The following ZNF268 variants were observed in gnomAD, a reference collection of about 807,000 sequenced individuals.
The protein encoded by ZNF268 is zinc finger protein 268.
Under a neutral mutation model 29.3 loss-of-function variants are expected in ZNF268, and 20 were observed. The ratio of observed to expected loss-of-function variants is 0.68; its 90% CI spans 0.48 to 0.99. ZNF268 has a LOEUF of 0.99. ZNF268 is among the 50% of genes least tolerant of loss of function. The pLI is 0.00. For synonymous variants in ZNF268, 429 were observed against 376.9 expected (o/e 1.14, Z -1.60); for missense variants, 1,240 against 1,121.6 (o/e 1.11, Z -1.51).
At chr12:133,193,153 C>G (rs529293021) in intron 5 of ZNF268, among the ~76,000 whole-genome samples, 2 of 152,238 alleles carry the variant, frequency 1.3e-5, no homozygotes, top group Admixed American at 6.5e-5. Flanking sequence ...TCATTTCCCT[C>G]ATATAGTGTA....
chr12:133,199,370 A>G lies in ZNF268; in HGVS notation c.458-2774A>G, dbSNP rs542138466. Among the ~76,000 whole-genome samples the G allele has an allele frequency of 9.2e-5, 14 of 151,742 alleles. No homozygotes were observed. In the South Asian group the frequency reaches 2.7e-3, roughly 30 times the overall value. On this transcript the variant is annotated intron_variant, in intron 5 of 5. Transcript: ENST00000536435. ...TTTGCATATATTGAACCAGCCTTGC[A>G]TCCCAGGGATGAAGCCCACTTGATC...
chr12:133,195,401 T>C (rs1333670858), intron 5 of ZNF268, among the ~76,000 whole-genome samples: 1 of 152,228 alleles, frequency 6.6e-6, no homozygotes, highest in East Asian at 1.9e-4. Context: ...TTCAACAGGC[T>C]AAATTTTTTA....
chr12:133,206,902 A>T lies in ZNF268; in HGVS notation c.*2372A>T, dbSNP rs1433554537. Reference sequence around the variant, plus strand: ...TTGATGTACCAAAGAAGACAGAATAAATTCATAAGAGAAAGTTTATATTCA... The same window carrying T: ...TTGATGTACCAAAGAAGACAGAATATATTCATAAGAGAAAGTTTATATTCA... On this transcript the variant is annotated 3_prime_UTR_variant, in exon 6 of 6. Coordinates refer to ENST00000536435, the MANE Select transcript of ZNF268 (RefSeq NM_003415.3). 6.6e-6 allele frequency: 1 copy of T among 152,208 alleles called. No homozygotes were observed. Among genetic ancestry groups the T allele is most frequent in the African/African-American group, 2.4e-5 (1 of 41,440 alleles). 9.4% of individuals were successfully genotyped at this position (152,208 alleles called of 1,614,324 possible). A position where few individuals can be genotyped will look rare whatever the true frequency, so the allele number is the denominator to read the frequency against.
At chr12:133,197,262 C>T (rs1046786760) in intron 5 of ZNF268, among the ~76,000 whole-genome samples, 6 of 144,606 alleles carry the variant, frequency 4.1e-5, no homozygotes, top group African/African-American at 1.5e-4. Flanking sequence ...TGTTCAATTC[C>T]CACCTATGAG....
At position 133,212,479 on chromosome 12, in the gene ZNF268, A is replaced by ATT. The variant is rs1956998050; in HGVS notation, c.*7950_*7951insTT. ...TATATATATATATATATATATATAT[A>ATT]TATATATATATATATATATGTATAT... On this transcript the variant is annotated 3_prime_UTR_variant, in exon 6 of 6. Coordinates refer to ENST00000536435, the MANE Select transcript of ZNF268 (RefSeq NM_003415.3). The ATT allele has an allele frequency of 1.8e-4, 2 of 11,268 alleles. No individual in the cohort carries two copies. Among genetic ancestry groups the ATT allele is most frequent in the African/African-American group, 3.7e-4 (1 of 2,696 alleles). The allele number at this position is 11,268 out of a possible 1,614,324, so 0.7% of individuals were successfully genotyped here.
chr12:133,200,603 T>A (rs1006199967), intron 5 of ZNF268, among the ~76,000 whole-genome samples: 1 of 152,084 alleles, frequency 6.6e-6, no homozygotes, highest in African/African-American at 2.4e-5. Flanking sequence ...TTTTGGGGCA[T>A]CTATCTATTT....
chr12:133,211,380 G>A lies in ZNF268; in HGVS notation c.*6850G>A, dbSNP rs184398212. ...GCAGATCACCTGAGGTCCGGAGTTC[G>A]AGACCAGCCTGACCAACATGGAGAA... On this transcript the variant is annotated 3_prime_UTR_variant, in exon 6 of 6. Transcript: ENST00000536435. 4 of 283,976 alleles carry A rather than the reference G, an allele frequency of 1.4e-5. No individual in the cohort carries two copies. Among genetic ancestry groups the A allele is most frequent in the African/African-American group, 4.5e-5 (2 of 44,698 alleles). 17.6% of individuals were successfully genotyped at this position (283,976 alleles called of 1,614,324 possible). A position where few individuals can be genotyped will look rare whatever the true frequency, so the allele number is the denominator to read the frequency against.
intron 3 of ZNF268, among the ~76,000 whole-genome samples, chr12:133,190,569 A>T (rs760348521): frequency 3.3e-5 from 5 of 152,118 alleles, no homozygotes; most frequent in Admixed American, 6.5e-5. Context: ...CATGCTTTGT[A>T]TGCTCATTTA....
chr12:133,199,731 T>C (rs1956704548), intron 5 of ZNF268, among the ~76,000 whole-genome samples: 1 of 152,238 alleles, frequency 6.6e-6, no homozygotes. Flanking sequence ...ATTGGTCTAT[T>C]CAGAGAGTCA....
At chr12:133,200,103 C>G (rs146260883) in intron 5 of ZNF268, among the ~76,000 whole-genome samples, 33,970 of 151,876 alleles carry the variant, frequency 0.22, 4,559 homozygotes, top group Non-Finnish European at 0.3. Context: ...TTTTCTAGTT[C>G]TTTTAATTGT....
chr12:133,183,549 A>C (rs1241603692), intron 2 of ZNF268, among the ~76,000 whole-genome samples: 1 of 151,930 alleles, frequency 6.6e-6, no homozygotes, highest in Non-Finnish European at 1.5e-5. Flanking sequence ...ATTAGATTTC[A>C]TAACTAGTTG....
intron 2 of ZNF268, among the ~76,000 whole-genome samples, chr12:133,187,099 T>G (rs192425558): frequency 2.4e-4 from 36 of 152,316 alleles, no homozygotes; most frequent in African/African-American, 7.5e-4. Context: ...TACAGATATT[T>G]GGGTTATAAA....
At chr12:133,189,241 G>T (rs1408882982) in intron 3 of ZNF268, among the ~76,000 whole-genome samples, 1 of 140,764 alleles carries the variant, frequency 7.1e-6, no homozygotes. Flanking sequence ...TTGAGATGGA[G>T]TCTTGCTCTG....
At chr12:133,188,359 C>T (rs544053370) in intron 3 of ZNF268, among the ~76,000 whole-genome samples, 1 of 152,050 alleles carries the variant, frequency 6.6e-6, no homozygotes. Context: ...CCATGCCTGG[C>T]TGATGTTTTT....
intron 3 of ZNF268, among the ~76,000 whole-genome samples, chr12:133,190,017 C>T (rs1442604355): frequency 6.6e-6 from 1 of 152,036 alleles, no homozygotes; most frequent in Non-Finnish European, 1.5e-5. Flanking sequence ...ACCATGTTAG[C>T]CAGGATGGTC....
rs1368900640 is a variant in ZNF268, at chr12:133,204,110, T to C, written c.2424T>C (p.Tyr808=). ...GAACTCATTCAGGTGAAAAACCATA[T>C]GAATGTAATGAATGTGGGAAAGCCT... ...HMRTHSGEKP[Y]ECNECGKAFI... Residue 808 remains tyrosine (Y), a synonymous_variant, in exon 6 of 6, where the codon TAT becomes TAC. Transcript: ENST00000536435. 1 of 1,545,284 alleles carries C rather than the reference T, an allele frequency of 6.5e-7. No individual in the cohort carries two copies. The highest frequency in any genetic ancestry group is 2.0e-5 in the Admixed American group (1 of 51,028).
At chr12:133,194,691 C>T (rs984834773) in intron 5 of ZNF268, among the ~76,000 whole-genome samples, 9 of 152,094 alleles carry the variant, frequency 5.9e-5, no homozygotes, top group African/African-American at 1.9e-4. Flanking sequence ...CTTTTGGAAG[C>T]GGGACTGGGG....
chr12:133,181,967 T>TC lies in ZNF268; in HGVS notation c.-29dup. 3 of 1,558,556 alleles carry TC rather than the reference T, an allele frequency of 1.9e-6. No homozygotes were observed. The highest frequency in any genetic ancestry group is 1.7e-6 in the Non-Finnish European group (2 of 1,150,856). ...CTAGCATCCCTCGCGTCCTGTCACT[T>TC]CCAGCGAGGCACACAAAACTGACCG... is the stretch of plus-strand genomic sequence containing the variant. On this transcript the variant is annotated 5_prime_UTR_variant, in exon 2 of 6. Transcript: ENST00000536435.
intron 3 of ZNF268, among the ~76,000 whole-genome samples, chr12:133,190,466 T>A (rs1956438260): frequency 6.6e-6 from 1 of 152,208 alleles, no homozygotes; most frequent in Non-Finnish European, 1.5e-5. Flanking sequence ...CATTTGGTGG[T>A]CAGTTTTTTG....
Sources: gnomAD v4.1 joint callset for allele counts (sites outside exome capture counted in the v4.1 genomes callset) on GRCh38, gnomAD v4.1.1 for gene constraint, MANE v1.5 for transcripts, NCBI Gene and HGNC (gene_info 2026-07-23, HGNC 2026-07-21) for gene names.